CAST: variants seen among roughly 807,000 people sequenced by gnomAD.
CAST encodes MIR583 host.
In CAST, 76 loss-of-function variants were observed where a neutral mutation model predicts 119.6. That is an observed-to-expected ratio of 0.64 (90% CI 0.53 to 0.77). CAST has a LOEUF of 0.77. Among genes scored for constraint, CAST ranks in the 30% least tolerant of loss-of-function variants. The pLI is 0.00. For missense variants in CAST, 953 were observed against 946.5 expected (o/e 1.01, Z -0.09); for synonymous variants, 319 against 331.6 (o/e 0.96, Z 0.41).
chr5:96,041,192 C>T, the CAST span, among the ~76,000 whole-genome samples: 3 of 152,078 alleles, frequency 2.0e-5, no homozygotes, highest in Non-Finnish European at 4.4e-5. Flanking sequence ...AAGAGTACTG[C>T]TGCCACAGAT....
intron 1 of CAST, among the ~76,000 whole-genome samples, chr5:96,653,778 A>T (rs1307152487): frequency 6.6e-6 from 1 of 152,204 alleles, no homozygotes; most frequent in Admixed American, 6.5e-5. Flanking sequence ...GGGGGCCAAA[A>T]TAATTATCTT....
the CAST span, among the ~76,000 whole-genome samples, chr5:95,969,935 G>A: frequency 6.6e-6 from 1 of 152,070 alleles, no homozygotes; most frequent in Admixed American, 6.6e-5. Context: ...AAGAATTGGG[G>A]AATATTCCTA....
At chr5:96,559,194 G>A (rs865955323) in intron 1 of CAST, among the ~76,000 whole-genome samples, 8 of 152,084 alleles carry the variant, frequency 5.3e-5, no homozygotes, top group Non-Finnish European at 8.8e-5. Flanking sequence ...ATTAGGTATT[G>A]ATGGGAAGTA....
chr5:95,966,146 G>A, the CAST span, among the ~76,000 whole-genome samples: 1 of 152,124 alleles, frequency 6.6e-6, no homozygotes, highest in African/African-American at 2.4e-5. Flanking sequence ...GAAGGAAATA[G>A]AGGACCTGAA....
the CAST span, among the ~76,000 whole-genome samples, chr5:96,058,281 G>C: frequency 6.6e-6 from 1 of 152,250 alleles, no homozygotes; most frequent in East Asian, 1.9e-4. Flanking sequence ...ACAATGATTG[G>C]CTGAGGCAGG....
At chr5:96,363,188 G>A in the CAST span, among the ~76,000 whole-genome samples, 3 of 149,162 alleles carry the variant, frequency 2.0e-5, no homozygotes, top group South Asian at 2.2e-4. Flanking sequence ...TGTTCCATTG[G>A]TCTATATCTC....
chr5:96,552,994 G>A (rs1746164727), intron 1 of CAST, among the ~76,000 whole-genome samples: 1 of 152,102 alleles, frequency 6.6e-6, no homozygotes, highest in Non-Finnish European at 1.5e-5. Context: ...AAGAGGAGCT[G>A]GTATCATTCC....
intron 3 of CAST, chr5:96,714,780 T>C (rs1756897476): frequency 6.6e-6 from 1 of 152,220 alleles, no homozygotes; most frequent in Non-Finnish European, 1.5e-5. Context: ...TGTGGCTAGC[T>C]CTTCTCCTTA....
At chr5:96,723,971 A>G (rs1198809154) in intron 4 of CAST, among the ~76,000 whole-genome samples, 1 of 152,228 alleles carries the variant, frequency 6.6e-6, no homozygotes, top group African/African-American at 2.4e-5. Flanking sequence ...TTCAAAGAAC[A>G]TTACAAATAT....
At chr5:96,337,348 A>G in the CAST span, among the ~76,000 whole-genome samples, 2 of 152,200 alleles carry the variant, frequency 1.3e-5, no homozygotes, top group Non-Finnish European at 2.9e-5. Context: ...AGAACCAACT[A>G]TGGTCTCTGT....
chr5:96,532,642 G>A (rs1343958744), intron 1 of CAST, among the ~76,000 whole-genome samples: 1 of 152,172 alleles, frequency 6.6e-6, no homozygotes, highest in Non-Finnish European at 1.5e-5. Flanking sequence ...CTGAGATCAG[G>A]AGTTCAAGAC....
chr5:96,554,794 A>G (rs1250300802), intron 1 of CAST, among the ~76,000 whole-genome samples: 1 of 152,260 alleles, frequency 6.6e-6, no homozygotes, highest in East Asian at 1.9e-4. Context: ...CAACAGACAT[A>G]AGAAACAATG....
chr5:96,468,025 A>G, the CAST span, among the ~76,000 whole-genome samples: 2,593 of 151,592 alleles, frequency 0.017, 49 homozygotes, highest in East Asian at 0.038. Flanking sequence ...AAAAGTTGGT[A>G]TATATATGCA....
At chr5:96,712,640 A>G (rs777365591) in intron 3 of CAST, among the ~76,000 whole-genome samples, 6 of 152,170 alleles carry the variant, frequency 3.9e-5, no homozygotes, top group Non-Finnish European at 7.4e-5. Flanking sequence ...CCATCTCTTT[A>G]ATATTTGCAA....
chr5:96,489,292 G>T, the CAST span, among the ~76,000 whole-genome samples: 2 of 152,218 alleles, frequency 1.3e-5, no homozygotes, highest in Non-Finnish European at 2.9e-5. Flanking sequence ...AAGGATGCCT[G>T]AAGAGTAACT....
Position 96,765,205 on chromosome 5 carries a change from A to C in CAST, c.1933-16A>C, listed in dbSNP as rs370994304. 49 of 1,462,330 alleles carry C rather than the reference A, an allele frequency of 3.4e-5. No homozygotes were observed. 90.6% of individuals were successfully genotyped at this position (1,462,330 alleles called of 1,614,324 possible). ...TTGGCTAATGAGTGACTAATTCAGC[A>C]TTATTTACTTTTCAGCAGAGTGACA... On this transcript the variant is annotated splice_polypyrimidine_tract_variant and intron_variant, in intron 25 of 31. Transcript: ENST00000675179.
At chr5:95,993,753 A>G in the CAST span, among the ~76,000 whole-genome samples, 2 of 152,148 alleles carry the variant, frequency 1.3e-5, no homozygotes, top group African/African-American at 4.8e-5. Flanking sequence ...GCTTGAATTC[A>G]GAATATATAA....
chr5:96,557,132 T>C (rs909464920), intron 1 of CAST, among the ~76,000 whole-genome samples: 1 of 151,904 alleles, frequency 6.6e-6, no homozygotes, highest in African/African-American at 2.4e-5. Context: ...GAAGGAGAAA[T>C]AAAATACTTT....
the CAST span, among the ~76,000 whole-genome samples, chr5:96,302,798 T>A: frequency 6.6e-6 from 1 of 152,226 alleles, no homozygotes; most frequent in Non-Finnish European, 1.5e-5. Flanking sequence ...TCATTTACAA[T>A]ATCACTATTG....
Sources: allele counts gnomAD v4.1 joint callset (sites outside exome capture counted in the v4.1 genomes callset), GRCh38; gene constraint gnomAD v4.1.1; transcripts MANE v1.5; gene names NCBI Gene and HGNC (gene_info 2026-07-23, HGNC 2026-07-21).